The following MAN2A1 variants were observed in gnomAD, a reference collection of about 807,000 sequenced individuals.
MAN2A1 encodes the protein mannosidase alpha class 2A member 1, also known as alpha-mannosidase 2.
In MAN2A1, 76 loss-of-function variants were observed where a neutral mutation model predicts 142.6. The ratio of observed to expected loss-of-function variants is 0.53; its 90% CI spans 0.44 to 0.65. The LOEUF is 0.65. Ranked by LOEUF, MAN2A1 falls within the 30% of genes least tolerant of loss-of-function variation. The pLI is 0.00. For synonymous variants in MAN2A1, 559 were observed against 473.2 expected (o/e 1.18, Z -2.35); for missense variants, 1,311 against 1,365.1 (o/e 0.96, Z 0.62).
rs558318637 is a variant in MAN2A1, at chr5:109,717,903, T to G, written c.535+1639T>G. Among the ~76,000 whole-genome samples, 6 of 152,366 alleles carry G rather than the reference T, an allele frequency of 3.9e-5. 1 individual carries two copies. The South Asian group carries it at 1.0e-3, about 26-fold the overall frequency. ...TTGAGTGCAGATTAGTTAGTATATT[T>G]GCATTTAGGGGATGCATATGAAAAA... On this transcript the variant is annotated intron_variant, in intron 3 of 21. Transcript: ENST00000261483.
At chr5:109,741,994 C>T (rs943210178) in intron 4 of MAN2A1, among the ~76,000 whole-genome samples, 4 of 152,116 alleles carry the variant, frequency 2.6e-5, no homozygotes, top group Non-Finnish European at 4.4e-5. Flanking sequence ...TTTTAGGCTT[C>T]ACATTTGAAT....
At chr5:109,782,645 T>C (rs1183410369) in intron 9 of MAN2A1, among the ~76,000 whole-genome samples, 3 of 152,178 alleles carry the variant, frequency 2.0e-5, no homozygotes, top group Non-Finnish European at 4.4e-5. Flanking sequence ...AAATTATGAA[T>C]TTAAGAGTTG....
intron 1 of MAN2A1, among the ~76,000 whole-genome samples, chr5:109,704,247 A>T (rs182876162): frequency 6.6e-6 from 1 of 152,298 alleles, no homozygotes; most frequent in East Asian, 1.9e-4. Context: ...AGCCTCTGTT[A>T]CTGTCATACC....
Position 109,846,509 on chromosome 5 carries a change from G to C in MAN2A1, c.2842+503G>C, listed in dbSNP as rs569974140. 3.7e-4 allele frequency among the ~76,000 whole-genome samples: 57 copies of C among 152,314 alleles called. 1 individual carries two copies. The East Asian group carries it at 6.9e-3, about 19-fold the overall frequency. ...GTGGCTTTGAGGATTCCAAAAGAGA[G>C]AAAGTGATGCGCAGAAAGTGAGAGA... is the stretch of plus-strand genomic sequence containing the variant. On this transcript the variant is annotated intron_variant, in intron 18 of 21. Coordinates refer to ENST00000261483, the MANE Select transcript of MAN2A1 (RefSeq NM_002372.4).
At chr5:109,770,573 C>G (rs752322189) in intron 7 of MAN2A1, 32 bp downstream of exon 7, 7 of 1,595,150 alleles carry the variant, frequency 4.4e-6, no homozygotes. Flanking sequence ...AAGACAACAT[C>G]TTGAATAAAG....
At chr5:109,847,567 A>G (rs1755373237) in intron 18 of MAN2A1, 90 bp from the exon 19 acceptor site, 2 of 1,152,394 alleles carry the variant, frequency 1.7e-6, no homozygotes, top group Non-Finnish European at 2.3e-6. Flanking sequence ...TTAGAGCAAT[A>G]CATCATGACT....
intron 5 of MAN2A1, among the ~76,000 whole-genome samples, chr5:109,757,830 T>C (rs1376209257): frequency 1.3e-5 from 2 of 152,298 alleles, no homozygotes; most frequent in East Asian, 1.9e-4. Context: ...ATTCTTGGCA[T>C]AATATTTTCA....
At chr5:109,734,094 G>A (rs1220673247) in intron 4 of MAN2A1, among the ~76,000 whole-genome samples, 2 of 151,666 alleles carry the variant, frequency 1.3e-5, no homozygotes, top group African/African-American at 2.4e-5. Flanking sequence ...GTCTTGGGAG[G>A]GTGTATGTGT....
chr5:109,713,128 TGTGA>T (rs1751349609), intron 1 of MAN2A1, among the ~76,000 whole-genome samples: 1 of 152,286 alleles, frequency 6.6e-6, no homozygotes, highest in South Asian at 2.1e-4. Flanking sequence ...TTTTGACCCT[TGTGA>T]GTAACTCCAG....
chr5:109,808,899 C>T (rs1018963430), intron 12 of MAN2A1, among the ~76,000 whole-genome samples: 4 of 151,852 alleles, frequency 2.6e-5, no homozygotes, highest in Non-Finnish European at 5.9e-5. Flanking sequence ...GACAGGATGT[C>T]GCCATGTTTG....
At chr5:109,853,244 G>A (rs1008971095) in intron 19 of MAN2A1, among the ~76,000 whole-genome samples, 14 of 152,064 alleles carry the variant, frequency 9.2e-5, no homozygotes, top group Admixed American at 3.3e-4. Flanking sequence ...GGCACTTCCC[G>A]GCACAGGGTC....
chr5:109,829,170 T>C (rs2112738884), intron 16 of MAN2A1, among the ~76,000 whole-genome samples: 1 of 152,332 alleles, frequency 6.6e-6, no homozygotes, highest in African/African-American at 2.4e-5. Context: ...AATTTAACCA[T>C]GTCATTTCAG....
At chr5:109,708,815 G>T (rs978664631) in intron 1 of MAN2A1, among the ~76,000 whole-genome samples, 50 of 152,100 alleles carry the variant, frequency 3.3e-4, no homozygotes, top group African/African-American at 1.1e-3. Context: ...GAGGAAAAGC[G>T]GCCAGGCTCT....
chr5:109,761,378 A>G lies in MAN2A1; in HGVS notation c.835+5922A>G, dbSNP rs144701513. On this transcript the variant is annotated intron_variant, in intron 5 of 21. Transcript: ENST00000261483. ...AGTATTTTTATGGTAGGTGCTATTT[A>G]TAGTGTTTAGAAAATTATTTTCTTC... Among the ~76,000 whole-genome samples the G allele has an allele frequency of 7.3e-3, 1,115 of 151,860 alleles. 15 individuals carry two copies. The highest frequency in any genetic ancestry group is 0.024 in the African/African-American group (990 of 41,474).
chr5:109,832,244 G>A (rs1028202399), intron 16 of MAN2A1, among the ~76,000 whole-genome samples: 7 of 144,726 alleles, frequency 4.8e-5, no homozygotes, highest in African/African-American at 1.5e-4. Flanking sequence ...CAGGGTCATA[G>A]GACAATAGTG....
chr5:109,846,003 A>G lies in MAN2A1; in HGVS notation c.2839A>G (p.Ser947Gly). 6.2e-7 allele frequency: 1 copy of G among 1,611,326 alleles called. No individual in the cohort carries two copies. The highest frequency in any genetic ancestry group is 1.1e-5 in the South Asian group (1 of 90,684). Reference sequence around the variant, plus strand: ...GTCATTAGGGGTTTCGAGTTTGAATAGTGGTATGTATTGCTTACACTCTTT... The same window carrying G: ...GTCATTAGGGGTTTCGAGTTTGAATGGTGGTATGTATTGCTTACACTCTTT... ...AQSLGVSSLN[S>G]GQIEVIMDRR... The change falls in exon 18 of 22, where the codon AGT becomes GGT. Residue 947 changes from serine to glycine, a missense_variant. Ser to Gly is a moderately conservative substitution (Grantham distance 56). Transcript: ENST00000261483.
rs1358281435 is a variant in MAN2A1, at chr5:109,804,120, T to A, written c.1944-13153T>A. On this transcript the variant is annotated intron_variant, in intron 12 of 21. Transcript: ENST00000261483. ...TGGCATATTTCAAAGTCTTCCACTCTTCTGAACTAGATTTTTTTTCCTTCT... is the reference window on the plus strand; with the variant it reads ...TGGCATATTTCAAAGTCTTCCACTCATCTGAACTAGATTTTTTTTCCTTCT... 3.1e-6 allele frequency: 3 copies of A among 982,250 alleles called. No homozygotes were observed. The African/African-American group carries it at 5.2e-5, about 17-fold the overall frequency. The allele number at this position is 982,250 out of a possible 1,614,324, so 60.8% of individuals were successfully genotyped here.
At position 109,819,686 on chromosome 5, in the gene MAN2A1, T is replaced by C; in HGVS notation, c.2127T>C (p.His709=). The change falls in exon 14 of 22, where the codon CAT becomes CAC. Residue 709 remains histidine, a synonymous_variant. Coordinates refer to ENST00000261483, the MANE Select transcript of MAN2A1 (RefSeq NM_002372.4). Reference sequence around the variant, plus strand: ...TTTTAAAGATCTCTTTTCGAGCACATATACCGCCATTGGGACTGAAAGTGT... The same window carrying C: ...TTTTAAAGATCTCTTTTCGAGCACACATACCGCCATTGGGACTGAAAGTGT... ...ETAYEISFRA[H]IPPLGLKVYK... 6.2e-7 allele frequency: 1 copy of C among 1,600,476 alleles called. No individual in the cohort carries two copies. The highest frequency in any genetic ancestry group is 8.5e-7 in the Non-Finnish European group (1 of 1,174,066).
At chr5:109,831,214 G>C (rs1754897571) in intron 16 of MAN2A1, among the ~76,000 whole-genome samples, 2 of 152,214 alleles carry the variant, frequency 1.3e-5, no homozygotes, top group African/African-American at 4.8e-5. Context: ...GATGTTTGGA[G>C]TATTCACCGA....
Sources: allele counts gnomAD v4.1 joint callset (sites outside exome capture counted in the v4.1 genomes callset), GRCh38; gene constraint gnomAD v4.1.1; transcripts MANE v1.5; gene names NCBI Gene and HGNC (gene_info 2026-07-23, HGNC 2026-07-21).